The following FGF12 variants were observed in gnomAD, a reference collection of about 807,000 sequenced individuals.
The protein encoded by FGF12 is fibroblast growth factor 12, also known as fibroblast growth factor 12B.
A neutral mutation model predicts 23.6 loss-of-function variants in FGF12; 14 were observed. The observed-to-expected ratio is 0.59, with a 90% CI of 0.39 to 0.93. The LOEUF (loss-of-function observed/expected upper bound fraction) is 0.93. Among genes scored for constraint, FGF12 ranks in the 40% least tolerant of loss-of-function variants. The pLI, the probability that FGF12 is intolerant of heterozygous loss-of-function variation, is 0.00. For synonymous variants in FGF12, 62 were observed against 77.3 expected (o/e 0.80, Z 1.04); for missense variants, 175 against 217.8 (o/e 0.80, Z 1.24).
chr3:192,210,133 A>AG (rs1397774213), intron 4 of FGF12, among the ~76,000 whole-genome samples: 1 of 136,076 alleles, frequency 7.3e-6, no homozygotes, highest in Non-Finnish European at 1.7e-5. Context: ...TCCTTGAGAG[A>AG]AAAAAACATA....
intron 4 of FGF12, among the ~76,000 whole-genome samples, chr3:192,331,878 G>C (rs532183518): frequency 6.6e-6 from 1 of 152,014 alleles, no homozygotes; most frequent in South Asian, 2.1e-4. Flanking sequence ...GAAAAATATT[G>C]GTCTACTCAG....
chr3:192,451,431 TGCTATG>T (rs1379832608), intron 2 of FGF12, among the ~76,000 whole-genome samples: 1 of 152,210 alleles, frequency 6.6e-6, no homozygotes, highest in Admixed American at 6.5e-5. Context: ...GTAAAAGGCT[TGCTATG>T]GCCAAACCAT....
intron 4 of FGF12, among the ~76,000 whole-genome samples, chr3:192,220,137 T>C (rs1718396127): frequency 6.6e-6 from 1 of 152,134 alleles, no homozygotes; most frequent in Non-Finnish European, 1.5e-5. Context: ...ACCTACTCAC[T>C]CCAGTTCCTC....
At chr3:192,340,372 T>C (rs1401216165) in intron 3 of FGF12, among the ~76,000 whole-genome samples, 1 of 151,970 alleles carries the variant, frequency 6.6e-6, no homozygotes, top group Admixed American at 6.6e-5. Flanking sequence ...ACTTGTATAA[T>C]ACAAGGAAGG....
intron 2 of FGF12, among the ~76,000 whole-genome samples, chr3:192,469,505 C>T (rs1262192473): frequency 6.6e-6 from 1 of 152,162 alleles, no homozygotes; most frequent in Non-Finnish European, 1.5e-5. Context: ...TCCCAGAGGA[C>T]AATCAATAGC....
At position 192,580,158 on chromosome 3, in the gene FGF12, C is replaced by G. The variant is rs148423160; in HGVS notation, c.13+147023G>C. ...AAGACATACAACGTTGTAGCTTACT[C>G]TTTATTTGCTTATATACTTACTTAT... On this transcript the variant is annotated intron_variant, in intron 2 of 5. Transcript: ENST00000445105. Among the ~76,000 whole-genome samples, 99 of 152,196 alleles carry G rather than the reference C, an allele frequency of 6.5e-4. No homozygotes were observed. In the East Asian group the frequency reaches 0.016, roughly 25 times the overall value.
rs117135388 is a variant in FGF12 at position 192,595,397 on chromosome 3, T to C, written c.13+131784A>G. Among the ~76,000 whole-genome samples the C allele has an allele frequency of 1.9e-3, 283 of 152,356 alleles. 8 individuals carry two copies. The East Asian group carries it at 0.04, about 21-fold the overall frequency. On this transcript the variant is annotated intron_variant, in intron 2 of 5. Coordinates refer to ENST00000445105, the MANE Select transcript of FGF12 (RefSeq NM_004113.6). Reference sequence around the variant, plus strand: ...CAACACAGTTTCCTCCTCCCACTCCTGATAATCTTATTTCCAGTCCTTTCC... The same window carrying C: ...CAACACAGTTTCCTCCTCCCACTCCCGATAATCTTATTTCCAGTCCTTTCC...
intron 2 of FGF12, among the ~76,000 whole-genome samples, chr3:192,386,364 T>C (rs1007970903): frequency 3.3e-5 from 5 of 152,228 alleles, no homozygotes; most frequent in African/African-American, 4.8e-5. Context: ...AAATCTTAAA[T>C]ATGGCTTGCA....
At position 192,185,645 on chromosome 3, in the gene FGF12, G is replaced by C. The variant is rs147739657; in HGVS notation, c.229-14989C>G. 7.5e-3 allele frequency among the ~76,000 whole-genome samples: 1,134 copies of C among 151,964 alleles called. 12 individuals carry two copies. The highest frequency in any genetic ancestry group is 0.026 in the African/African-American group (1,081 of 41,454). ...GGGAGGCCTAGGCTGGTGGATCACG[G>C]AGTCAGGAGTTCAAGACCAGCCTGG... On this transcript the variant is annotated intron_variant, in intron 4 of 5. Transcript: ENST00000445105.
chr3:192,504,076 A>G (rs1724217907), intron 2 of FGF12, among the ~76,000 whole-genome samples: 1 of 152,070 alleles, frequency 6.6e-6, no homozygotes, highest in Non-Finnish European at 1.5e-5. Context: ...TCCTAAGCGA[A>G]CTAACACAGG....
chr3:192,539,995 T>A (rs183657631), intron 2 of FGF12, among the ~76,000 whole-genome samples: 2,762 of 152,100 alleles, frequency 0.018, 34 homozygotes, highest in South Asian at 0.034. Context: ...AGTTGTGAAG[T>A]CTTCATTTTC....
In FGF12 at chr3:192,142,884, G is replaced by A. The variant is rs913348562; in HGVS notation, c.*1125C>T. On this transcript the variant is annotated 3_prime_UTR_variant, in exon 6 of 6. Coordinates refer to ENST00000445105, the MANE Select transcript of FGF12 (RefSeq NM_004113.6). ...AGTAAGTTAGGAATTTCACAGTCATGTCTCCAAATTTCATGGCAGAGTTTA... is the reference window on the plus strand; with the variant it reads ...AGTAAGTTAGGAATTTCACAGTCATATCTCCAAATTTCATGGCAGAGTTTA... 2.6e-5 allele frequency: 4 copies of A among 152,090 alleles called. No homozygotes were observed. The highest frequency in any genetic ancestry group is 9.7e-5 in the African/African-American group (4 of 41,426). 9.4% of individuals were successfully genotyped at this position (152,090 alleles called of 1,614,324 possible). A position where few individuals can be genotyped will look rare whatever the true frequency, so the allele number is the denominator to read the frequency against.
At chr3:192,374,121 G>T (rs2108746263) in intron 2 of FGF12, among the ~76,000 whole-genome samples, 1 of 152,298 alleles carries the variant, frequency 6.6e-6, no homozygotes, top group East Asian at 1.9e-4. Flanking sequence ...AATGTATGTT[G>T]CATTTTGTTT....
intron 4 of FGF12, among the ~76,000 whole-genome samples, chr3:192,205,818 C>T (rs1037363083): frequency 6.6e-6 from 1 of 152,110 alleles, no homozygotes; most frequent in Admixed American, 6.5e-5. Context: ...GATGAGAATG[C>T]CAGCTATTCC....
chr3:192,610,199 G>A (rs976126546), intron 2 of FGF12, among the ~76,000 whole-genome samples: 67 of 151,946 alleles, frequency 4.4e-4, no homozygotes. Context: ...ATTTCCACCC[G>A]CTGCTGGGTA....
intron 4 of FGF12, chr3:192,268,564 T>C: frequency 4.4e-6 from 1 of 226,982 alleles, no homozygotes; most frequent in Non-Finnish European, 9.7e-6. Context: ...ATAAGTGAAC[T>C]CTCTCTCTGA....
intron 4 of FGF12, among the ~76,000 whole-genome samples, chr3:192,193,367 T>C (rs1716901908): frequency 6.6e-6 from 1 of 152,168 alleles, no homozygotes; most frequent in Non-Finnish European, 1.5e-5. Context: ...ACCCCATCAC[T>C]GTCTTGGACT....
chr3:192,426,872 G>A (rs1412204168), intron 2 of FGF12, among the ~76,000 whole-genome samples: 8 of 152,066 alleles, frequency 5.3e-5, no homozygotes, highest in African/African-American at 1.2e-4. Flanking sequence ...AGTAAATAAC[G>A]GTAGAAACGT....
chr3:192,222,723 A>G (rs1718538482), intron 4 of FGF12, among the ~76,000 whole-genome samples: 1 of 152,174 alleles, frequency 6.6e-6, no homozygotes, highest in South Asian at 2.1e-4. Flanking sequence ...ACTGATATCT[A>G]TCAAGTTAAC....
Sources: gnomAD v4.1 joint callset for allele counts (sites outside exome capture counted in the v4.1 genomes callset) on GRCh38, gnomAD v4.1.1 for gene constraint, MANE v1.5 for transcripts, NCBI Gene and HGNC (gene_info 2026-07-23, HGNC 2026-07-21) for gene names.